The following PCTP variants were observed in gnomAD, a reference collection of about 807,000 sequenced individuals.
The protein encoded by PCTP is START domain-containing protein 2.
Under a neutral mutation model 31.0 loss-of-function variants are expected in PCTP, and 27 were observed. The observed-to-expected ratio is 0.87, with a 90% confidence interval of 0.64 to 1.20. PCTP has a LOEUF of 1.20. Ranked by LOEUF, PCTP falls within the 50% of genes most tolerant of loss-of-function variation. The pLI is 0.00. For synonymous variants in PCTP, 108 were observed against 101.2 expected, an observed-to-expected ratio of 1.07 and a Z score of -0.40; for missense variants, 287 against 268.2, an observed-to-expected ratio of 1.07 and a Z score of -0.49.
chr17:55,811,759 C>T (rs560017128), intron 3 of PCTP, among the ~76,000 whole-genome samples: 10 of 152,320 alleles, frequency 6.6e-5, no homozygotes, highest in African/African-American at 1.9e-4. Context: ...AAATTCTGCA[C>T]GGAGGTCTTG....
At position 55,751,080 on chromosome 17, in the gene PCTP, C is replaced by T. The variant is rs9894191; in HGVS notation, c.-24C>T. On this transcript the variant is annotated 5_prime_UTR_variant, in exon 1 of 6. Coordinates refer to ENST00000268896, the MANE Select transcript of PCTP (RefSeq NM_021213.4). Reference sequence around the variant, plus strand: ...GGGTGTCCGCGGCCTGCCCTCCAGGCGGAGGAGCCCGGACTGCGGAAGGAT... The same window carrying T: ...GGGTGTCCGCGGCCTGCCCTCCAGGTGGAGGAGCCCGGACTGCGGAAGGAT... The T allele has an allele frequency of 6.6e-7, 1 of 1,509,366 alleles. No individual in the cohort carries two copies. The highest frequency in any genetic ancestry group is 8.8e-7 in the Non-Finnish European group (1 of 1,130,196). 93.5% of individuals were successfully genotyped at this position (1,509,366 alleles called of 1,614,324 possible).
At chr17:55,785,395 G>A (rs1310353508) in intron 2 of PCTP, among the ~76,000 whole-genome samples, 1 of 152,244 alleles carries the variant, frequency 6.6e-6, no homozygotes, top group Non-Finnish European at 1.5e-5. Context: ...TGCAGCTTCA[G>A]AAGACCTCTT....
chr17:55,785,395 G>C (rs1310353508), intron 2 of PCTP, among the ~76,000 whole-genome samples: 1 of 152,244 alleles, frequency 6.6e-6, no homozygotes, highest in Non-Finnish European at 1.5e-5. Context: ...TGCAGCTTCA[G>C]AAGACCTCTT....
intron 3 of PCTP, among the ~76,000 whole-genome samples, chr17:55,794,129 G>A (rs1271431000): frequency 6.6e-6 from 1 of 151,838 alleles, no homozygotes; most frequent in Non-Finnish European, 1.5e-5. Context: ...CTCCTTTTTT[G>A]CATCATAATA....
intron 5 of PCTP, among the ~76,000 whole-genome samples, chr17:55,840,757 A>T (rs1905953597): frequency 6.6e-6 from 1 of 152,240 alleles, no homozygotes; most frequent in Non-Finnish European, 1.5e-5. Flanking sequence ...AAGAAACAAG[A>T]GTACAAGGTT....
intron 5 of PCTP, among the ~76,000 whole-genome samples, chr17:55,834,030 A>G (rs1905695056): frequency 6.6e-6 from 1 of 152,156 alleles, no homozygotes; most frequent in African/African-American, 2.4e-5. Context: ...GTGAATTAGA[A>G]TAATGAAAGA....
rs1567718535 is a variant in PCTP at position 55,777,194 on chromosome 17, G to A, written c.*1094G>A. The A allele has an allele frequency of 2.0e-6, 2 of 985,308 alleles. No homozygotes were observed. Among genetic ancestry groups the A allele is most frequent in the South Asian group, 9.4e-5 (2 of 21,278 alleles). The allele number at this position is 985,308 out of a possible 1,614,324, so 61.0% of individuals were successfully genotyped here. ...ATTTCTATGTCAAAGGCACAGCCTT[G>A]ATGATCTCAGGGAAAAATTTTAATC... On this transcript the variant is annotated 3_prime_UTR_variant, in exon 6 of 6. Coordinates refer to ENST00000268896, the MANE Select transcript of PCTP (RefSeq NM_021213.4).
At chr17:55,812,572 AAATT>A (rs1274630491) in intron 3 of PCTP, among the ~76,000 whole-genome samples, 1 of 152,212 alleles carries the variant, frequency 6.6e-6, no homozygotes, top group Non-Finnish European at 1.5e-5. Flanking sequence ...TGATTTGAAA[AAATT>A]AATCAGACTG....
chr17:55,820,645 G>T (rs564410078), intron 3 of PCTP, among the ~76,000 whole-genome samples: 1 of 152,314 alleles, frequency 6.6e-6, no homozygotes, highest in African/African-American at 2.4e-5. Flanking sequence ...TCAGGCTACA[G>T]CAGGGCTTGT....
Position 55,773,864 on chromosome 17 carries a change from G to T in PCTP, c.480G>T (p.Ala160=). The part of the protein sequence containing the change: ...IRVKQYKQSL[A]IESDGKKGSK... The stretch of plus-strand genomic sequence containing the variant: ...TGAAGCAATACAAGCAGAGCCTGGC[G>T]ATCGAGAGTGACGGCAAGAAGGGGA... Residue 160 remains alanine (A), a synonymous_variant, in exon 4 of 6, where the codon GCG becomes GCT. Transcript: ENST00000268896. The T allele has an allele frequency of 6.2e-7, 1 of 1,611,104 alleles. No individual in the cohort carries two copies. The highest frequency in any genetic ancestry group is 8.5e-7 in the Non-Finnish European group (1 of 1,178,284).
chr17:55,789,353 T>C (rs1482884617), intron 3 of PCTP, among the ~76,000 whole-genome samples: 1 of 152,220 alleles, frequency 6.6e-6, no homozygotes, highest in Non-Finnish European at 1.5e-5. Flanking sequence ...TATGAATTCA[T>C]CCATAACCTT....
At chr17:55,789,063 C>G (rs543315880) in intron 3 of PCTP, among the ~76,000 whole-genome samples, 1 of 152,188 alleles carries the variant, frequency 6.6e-6, no homozygotes, top group East Asian at 1.9e-4. Flanking sequence ...TTTCTTATTC[C>G]TAAAATGGAG....
intron 3 of PCTP, among the ~76,000 whole-genome samples, chr17:55,819,233 A>G (rs1011826700): frequency 1.4e-4 from 22 of 152,086 alleles, no homozygotes; most frequent in African/African-American, 5.1e-4. Flanking sequence ...CTTTCCCCCT[A>G]AGATCAGAAA....
At chr17:55,819,756 A>G (rs1465812834) in intron 3 of PCTP, among the ~76,000 whole-genome samples, 2 of 152,160 alleles carry the variant, frequency 1.3e-5, no homozygotes, top group East Asian at 3.8e-4. Flanking sequence ...AAAATAGCTT[A>G]CTACAAATAA....
At chr17:55,762,755 C>A (rs1349814850) in intron 1 of PCTP, among the ~76,000 whole-genome samples, 1 of 152,156 alleles carries the variant, frequency 6.6e-6, no homozygotes, top group Non-Finnish European at 1.5e-5. Flanking sequence ...TTCCAACCAT[C>A]ATGTCCACAT....
chr17:55,842,363 C>T (rs1011714303), intron 5 of PCTP, among the ~76,000 whole-genome samples: 18 of 152,130 alleles, frequency 1.2e-4, no homozygotes, highest in South Asian at 4.1e-4. Flanking sequence ...GTTTAAGTTA[C>T]GTGTTTTTTC....
At position 55,773,910 on chromosome 17, in the gene PCTP, G is replaced by A; in HGVS notation, c.511+15G>A. ...GGGGAGCAAAGGTAAAACCCATGGT[G>A]CCTGTCAGTGCACCCAGCCAGGGGT... On this transcript the variant is annotated intron_variant, in intron 4 of 5. Transcript: ENST00000268896. 3.8e-6 allele frequency: 6 copies of A among 1,579,222 alleles called. No individual in the cohort carries two copies. The highest frequency in any genetic ancestry group is 5.2e-6 in the Non-Finnish European group (6 of 1,159,354).
chr17:55,851,014 G>T, the PCTP span, among the ~76,000 whole-genome samples: 1 of 152,120 alleles, frequency 6.6e-6, no homozygotes, highest in Non-Finnish European at 1.5e-5. Context: ...AAAGCTCTCA[G>T]GTGATTCTAA....
chr17:55,767,094 C>A (rs1910705165), intron 1 of PCTP, among the ~76,000 whole-genome samples: 1 of 152,166 alleles, frequency 6.6e-6, no homozygotes. Flanking sequence ...CCTTCACCCA[C>A]TTTTTGATGG....
Sources: allele counts gnomAD v4.1 joint callset (sites outside exome capture counted in the v4.1 genomes callset), GRCh38; gene constraint gnomAD v4.1.1; transcripts MANE v1.5; gene names NCBI Gene and HGNC (gene_info 2026-07-23, HGNC 2026-07-21).